MSRA: variants seen among roughly 807,000 people sequenced by gnomAD.
MSRA encodes the protein methionine sulfoxide reductase A, also known as mitochondrial peptide methionine sulfoxide reductase.
A neutral mutation model predicts 31.3 loss-of-function variants in MSRA; 54 were observed. The ratio of observed to expected loss-of-function variants is 1.73; its 90% CI spans 1.39 to 2.17. The LOEUF (loss-of-function observed/expected upper bound fraction) is 2.17, where lower values mean the gene tolerates loss of function less well. Ranked by LOEUF, MSRA falls within the 30% of genes most tolerant of loss-of-function variation. MSRA has a pLI of 0.00. For synonymous variants in MSRA, 169 were observed against 116.5 expected, an observed-to-expected ratio of 1.45 and a Z score of -2.90; for missense variants, 507 against 300.9, an observed-to-expected ratio of 1.69 and a Z score of -5.07.
intron 1 of MSRA, among the ~76,000 whole-genome samples, chr8:10,067,073 T>C (rs1797489490): frequency 6.6e-6 from 1 of 152,202 alleles, no homozygotes; most frequent in South Asian, 2.1e-4. Flanking sequence ...ATCCAGTCTG[T>C]GGGTTTTGAC....
chr8:10,062,941 G>A (rs944049734), intron 1 of MSRA, among the ~76,000 whole-genome samples: 1 of 152,172 alleles, frequency 6.6e-6, no homozygotes. Context: ...AAAGAGGTAA[G>A]AAGTCAGAAG....
At chr8:10,361,934 T>A (rs186044729) in intron 5 of MSRA, among the ~76,000 whole-genome samples, 1 of 152,268 alleles carries the variant, frequency 6.6e-6, no homozygotes. Flanking sequence ...CCTCATTTCC[T>A]GGAAAGGGAA....
intron 1 of MSRA, among the ~76,000 whole-genome samples, chr8:10,074,451 G>A (rs1179119177): frequency 5.9e-5 from 9 of 152,160 alleles, no homozygotes; most frequent in Non-Finnish European, 2.9e-5. Flanking sequence ...GTGGGATGAA[G>A]TATGACCTGA....
At chr8:10,315,761 A>T (rs150976546) in intron 4 of MSRA, among the ~76,000 whole-genome samples, 1 of 152,358 alleles carries the variant, frequency 6.6e-6, no homozygotes, top group Non-Finnish European at 1.5e-5. Context: ...AAATTTTACT[A>T]TTTTGAACGT....
intron 1 of MSRA, among the ~76,000 whole-genome samples, chr8:10,084,119 A>G (rs1798428205): frequency 6.6e-6 from 1 of 152,150 alleles, no homozygotes; most frequent in Non-Finnish European, 1.5e-5. Context: ...CATTTCAGCG[A>G]CCCTGCTGCT....
chr8:10,132,772 G>C (rs961967451), intron 1 of MSRA, among the ~76,000 whole-genome samples: 1 of 152,202 alleles, frequency 6.6e-6, no homozygotes, highest in African/African-American at 2.4e-5. Context: ...GACTGTGATA[G>C]GATCAGAAAG....
intron 1 of MSRA, among the ~76,000 whole-genome samples, chr8:10,140,873 G>A (rs1802645370): frequency 6.6e-6 from 1 of 151,954 alleles, no homozygotes; most frequent in Admixed American, 6.6e-5. Flanking sequence ...AAAGATCACA[G>A]ACACAGACAC....
intron 1 of MSRA, among the ~76,000 whole-genome samples, chr8:10,082,863 G>C (rs971782057): frequency 1.3e-5 from 2 of 152,356 alleles, no homozygotes; most frequent in Middle Eastern, 3.4e-3. Flanking sequence ...GCCGTGAACA[G>C]AGTAGGAATT....
At chr8:10,172,531 T>A (rs148758149) in intron 1 of MSRA, among the ~76,000 whole-genome samples, 1 of 151,380 alleles carries the variant, frequency 6.6e-6, no homozygotes, top group East Asian at 1.9e-4. Context: ...GGGGCGGAGG[T>A]TAGGGAATAT....
intron 5 of MSRA, among the ~76,000 whole-genome samples, chr8:10,416,326 C>T (rs1037161774): frequency 6.6e-6 from 1 of 152,230 alleles, no homozygotes; most frequent in Admixed American, 6.5e-5. Flanking sequence ...GAAATCTGCT[C>T]GCTTCGGCTG....
At chr8:10,383,329 A>C (rs770231643) in intron 5 of MSRA, among the ~76,000 whole-genome samples, 1 of 152,330 alleles carries the variant, frequency 6.6e-6, no homozygotes, top group African/African-American at 2.4e-5. Flanking sequence ...GGGTCCTGCA[A>C]TGAGAAGAGG....
At chr8:10,125,769 G>T (rs142999031) in intron 1 of MSRA, among the ~76,000 whole-genome samples, 2 of 152,238 alleles carry the variant, frequency 1.3e-5, no homozygotes, top group African/African-American at 4.8e-5. Flanking sequence ...AATAGAAGAT[G>T]CAGTATCTTA....
chr8:10,288,388 G>C (rs1384365251), intron 3 of MSRA, among the ~76,000 whole-genome samples: 1 of 152,132 alleles, frequency 6.6e-6, no homozygotes, highest in African/African-American at 2.4e-5. Context: ...CCCTTATTGA[G>C]AAATCATAAT....
chr8:10,352,068 G>T (rs1046397523), intron 5 of MSRA, among the ~76,000 whole-genome samples: 1 of 152,222 alleles, frequency 6.6e-6, no homozygotes, highest in Admixed American at 6.5e-5. Context: ...TTGGAGAAGA[G>T]AGAAATGAGC....
chr8:10,318,545 CATCA>C (rs1288889312), intron 4 of MSRA, among the ~76,000 whole-genome samples: 4 of 152,194 alleles, frequency 2.6e-5, no homozygotes, highest in African/African-American at 9.7e-5. Flanking sequence ...GTTATTCTAT[CATCA>C]ATAACATTTT....
At chr8:10,263,614 C>T (rs965662037) in intron 3 of MSRA, among the ~76,000 whole-genome samples, 4 of 152,150 alleles carry the variant, frequency 2.6e-5, no homozygotes, top group Non-Finnish European at 4.4e-5. Context: ...TTCTCACTGC[C>T]ACCGATGTGA....
At chr8:10,300,121 A>AATTTGT (rs1004455804) in intron 3 of MSRA, among the ~76,000 whole-genome samples, 22 of 109,672 alleles carry the variant, frequency 2.0e-4, no homozygotes, top group Non-Finnish European at 3.4e-4. Flanking sequence ...CAGTGGAAGA[A>AATTTGT]ATTTGTGTGT....
chr8:10,328,518 C>T (rs1802509559), intron 5 of MSRA, among the ~76,000 whole-genome samples: 1 of 152,110 alleles, frequency 6.6e-6, no homozygotes, highest in Non-Finnish European at 1.5e-5. Context: ...ACCACCCGCA[C>T]AGGCAGCAGA....
At chr8:10,162,582 C>T (rs1585065894) in intron 1 of MSRA, among the ~76,000 whole-genome samples, 1 of 152,080 alleles carries the variant, frequency 6.6e-6, no homozygotes, top group African/African-American at 2.4e-5. Context: ...CCATGGGGGT[C>T]CAGGGGGCCT....
Sources: gnomAD v4.1 joint callset for allele counts (sites outside exome capture counted in the v4.1 genomes callset) on GRCh38, gnomAD v4.1.1 for gene constraint, MANE v1.5 for transcripts, NCBI Gene and HGNC (gene_info 2026-07-23, HGNC 2026-07-21) for gene names.